VPS8: variants seen among roughly 807,000 people sequenced by gnomAD.
VPS8 encodes VPS8 subunit of CORVET complex.
In VPS8, 129 loss-of-function variants were observed where a neutral mutation model predicts 216.4. That is an observed-to-expected ratio of 0.60 (90% CI 0.52 to 0.69). The LOEUF is 0.69. Among genes scored for constraint, VPS8 ranks in the 30% least tolerant of loss-of-function variants. The pLI is 0.00. For synonymous variants in VPS8, 571 were observed against 565.4 expected (o/e 1.01, Z -0.14); for missense variants, 1,531 against 1,683.5 (o/e 0.91, Z 1.59).
chr3:184,999,588 G>A, intron 44 of VPS8, 108 bp from the exon 45 acceptor site: 1 of 1,313,896 alleles, frequency 7.6e-7, no homozygotes, highest in Non-Finnish European at 1.0e-6. Context: ...AGCCATCAGT[G>A]CATTTCTACT....
intron 28 of VPS8, among the ~76,000 whole-genome samples, chr3:184,919,276 G>T (rs1738184872): frequency 6.6e-6 from 1 of 152,082 alleles, no homozygotes; most frequent in Non-Finnish European, 1.5e-5. Context: ...TTGTTTCAAG[G>T]AAATAGCAAT....
intron 14 of VPS8, among the ~76,000 whole-genome samples, chr3:184,856,354 A>C (rs942377640): frequency 6.6e-6 from 1 of 152,252 alleles, no homozygotes; most frequent in Non-Finnish European, 1.5e-5. Context: ...AGTGATTAGT[A>C]TGGACTAGAG....
At chr3:184,951,083 G>A (rs893558758) in intron 36 of VPS8, among the ~76,000 whole-genome samples, 1 of 152,344 alleles carries the variant, frequency 6.6e-6, no homozygotes, top group Admixed American at 6.5e-5. Flanking sequence ...TATATACCCA[G>A]TAATGGAATT....
At chr3:184,938,168 A>G (rs1168605482) in intron 35 of VPS8, among the ~76,000 whole-genome samples, 1 of 152,174 alleles carries the variant, frequency 6.6e-6, no homozygotes, top group Non-Finnish European at 1.5e-5. Context: ...TAAAATGTAT[A>G]GGATCTGGAA....
intron 21 of VPS8, among the ~76,000 whole-genome samples, chr3:184,881,989 G>A (rs1295520198): frequency 6.6e-6 from 1 of 151,078 alleles, no homozygotes; most frequent in African/African-American, 2.4e-5. Context: ...GATTCCTTGG[G>A]ATATTCTATG....
At chr3:184,867,166 G>A (rs973401190) in intron 17 of VPS8, among the ~76,000 whole-genome samples, 12 of 152,140 alleles carry the variant, frequency 7.9e-5, no homozygotes, top group African/African-American at 2.9e-4. Context: ...CTGGCTAATA[G>A]GATGCTTATT....
intron 36 of VPS8, among the ~76,000 whole-genome samples, chr3:184,944,838 G>T (rs1266363555): frequency 6.6e-6 from 1 of 152,146 alleles, no homozygotes; most frequent in Non-Finnish European, 1.5e-5. Flanking sequence ...TTATGCATTG[G>T]ATTTTAGTTG....
chr3:184,846,642 G>C (rs1360880125), intron 8 of VPS8, among the ~76,000 whole-genome samples: 1 of 152,234 alleles, frequency 6.6e-6, no homozygotes, highest in Non-Finnish European at 1.5e-5. Context: ...TTCGCAGTAT[G>C]CTGCTTAGAC....
At chr3:184,905,930 G>A in intron 25 of VPS8, among the ~76,000 whole-genome samples, 1 of 151,982 alleles carries the variant, frequency 6.6e-6, no homozygotes, top group East Asian at 1.9e-4. Flanking sequence ...CTGCTAGTGG[G>A]AGTAAAATTG....
At chr3:184,866,348 G>A (rs1242689260) in intron 16 of VPS8, among the ~76,000 whole-genome samples, 1 of 152,208 alleles carries the variant, frequency 6.6e-6, no homozygotes, top group African/African-American at 2.4e-5. Context: ...AAAGGCAAAT[G>A]TAATTTATAG....
chr3:184,971,212 T>G (rs1426375824), intron 39 of VPS8, among the ~76,000 whole-genome samples: 1 of 152,152 alleles, frequency 6.6e-6, no homozygotes. Flanking sequence ...TGAACAAAGA[T>G]ATGAGAGTTG....
intron 45 of VPS8, among the ~76,000 whole-genome samples, chr3:185,013,036 T>C (rs890301585): frequency 6.6e-6 from 1 of 152,110 alleles, no homozygotes; most frequent in African/African-American, 2.4e-5. Flanking sequence ...GGGATGGGTC[T>C]GGCTCCTTAC....
rs1483726407 is a variant in VPS8, at chr3:184,913,578, T to A, written c.2189+17T>A. The A allele has an allele frequency of 1.9e-6, 3 of 1,548,764 alleles. No homozygotes were observed. The highest frequency in any genetic ancestry group is 2.6e-6 in the Non-Finnish European group (3 of 1,139,476). On this transcript the variant is annotated intron_variant, in intron 26 of 47. Coordinates refer to ENST00000625842, the MANE Select transcript of VPS8 (RefSeq NM_001009921.3). ...ATATATTAGGTAAGATTGTTTTATT[T>A]ATTCATCTGCATGTATGTTCTTTCT...
At chr3:184,885,969 A>T in intron 21 of VPS8, 141 bp from the exon 22 acceptor site, 1 of 825,174 alleles carries the variant, frequency 1.2e-6, no homozygotes, top group Non-Finnish European at 1.9e-6. Flanking sequence ...TTTGACACAT[A>T]ATGCCAAATT....
intron 22 of VPS8, among the ~76,000 whole-genome samples, chr3:184,892,280 G>A (rs751453770): frequency 3.9e-5 from 6 of 152,072 alleles, no homozygotes; most frequent in Non-Finnish European, 7.4e-5. Context: ...GGCTGGAGTC[G>A]ATCTCGGCTC....
At chr3:184,893,339 A>G in intron 22 of VPS8, 1 of 1,267,650 alleles carries the variant, frequency 7.9e-7, no homozygotes, top group Non-Finnish European at 1.0e-6. Context: ...TAAACCATTT[A>G]CCACTTTCTA....
chr3:184,824,932 G>GTGAGACCCTGTA, intron 2 of VPS8, 147 bp downstream of exon 2: 2 of 710,130 alleles, frequency 2.8e-6, no homozygotes, highest in Non-Finnish European at 2.3e-6. Context: ...TGGATACAGG[G>GTGAGACCCTGTA]TCTCACTCTG....
intron 45 of VPS8, among the ~76,000 whole-genome samples, chr3:185,021,868 G>A (rs530886894): frequency 6.6e-6 from 1 of 152,334 alleles, no homozygotes; most frequent in Admixed American, 6.5e-5. Context: ...ATTAGGCAGA[G>A]TTGAAAGAGG....
intron 36 of VPS8, among the ~76,000 whole-genome samples, chr3:184,941,919 A>G (rs1043124749): frequency 1.3e-5 from 2 of 151,760 alleles, no homozygotes; most frequent in Non-Finnish European, 2.9e-5. Flanking sequence ...AAAAAAAAAC[A>G]GTATTAGGTA....
Sources: gnomAD v4.1 joint callset for allele counts (sites outside exome capture counted in the v4.1 genomes callset) on GRCh38, gnomAD v4.1.1 for gene constraint, MANE v1.5 for transcripts, NCBI Gene and HGNC (gene_info 2026-07-23, HGNC 2026-07-21) for gene names.